The following SNX4 variants were observed in gnomAD, a reference collection of about 807,000 sequenced individuals.
SNX4 encodes sorting nexin-4.
A neutral mutation model predicts 70.8 loss-of-function variants in SNX4; 49 were observed. The observed-to-expected ratio is 0.69, with a 90% CI of 0.55 to 0.88. SNX4 has a LOEUF of 0.88. Ranked by LOEUF, SNX4 falls within the 40% of genes least tolerant of loss-of-function variation. The probability of loss-of-function intolerance (pLI) is 0.00; values close to 1 mark genes in which losing one functional copy is unlikely to be tolerated. For missense variants in SNX4, 528 were observed against 544.8 expected, an observed-to-expected ratio of 0.97 and a Z score of 0.31; for synonymous variants, 206 against 183.8, an observed-to-expected ratio of 1.12 and a Z score of -0.98.
intron 12 of SNX4, among the ~76,000 whole-genome samples, chr3:125,452,896 C>T (rs1249867930): frequency 6.6e-6 from 1 of 152,140 alleles, no homozygotes; most frequent in African/African-American, 2.4e-5. Context: ...GGATTACAGG[C>T]ATGAGCTACC....
At chr3:125,457,104 T>C (rs977503074) in intron 11 of SNX4, among the ~76,000 whole-genome samples, 162 bp downstream of exon 11, 1 of 152,204 alleles carries the variant, frequency 6.6e-6, no homozygotes, top group Non-Finnish European at 1.5e-5. Flanking sequence ...AAAAGAATTA[T>C]AAAGTTACTC....
chr3:125,518,414 A>G (rs1034802672), intron 1 of SNX4, among the ~76,000 whole-genome samples: 1 of 152,022 alleles, frequency 6.6e-6, no homozygotes, highest in Non-Finnish European at 1.5e-5. Flanking sequence ...GTGAGCCATG[A>G]TTGTGCCACT....
intron 5 of SNX4, among the ~76,000 whole-genome samples, chr3:125,496,920 T>C (rs190389301): frequency 1.7e-4 from 26 of 151,960 alleles, no homozygotes; most frequent in Non-Finnish European, 3.7e-4. Flanking sequence ...ACTGCTAAGG[T>C]TGGACTCTTT....
intron 8 of SNX4, among the ~76,000 whole-genome samples, chr3:125,471,646 CACA>C (rs1934177381): frequency 6.6e-6 from 1 of 152,142 alleles, no homozygotes; most frequent in Non-Finnish European, 1.5e-5. Flanking sequence ...ATTAACAGAA[CACA>C]ACATTTTAGG....
chr3:125,503,853 A>G (rs1279390937), intron 2 of SNX4, among the ~76,000 whole-genome samples: 1 of 152,184 alleles, frequency 6.6e-6, no homozygotes, highest in African/African-American at 2.4e-5. Context: ...AAATATAGCT[A>G]TCTACCAAGA....
At chr3:125,453,996 C>A (rs546971408) in intron 11 of SNX4, 41 bp from the exon 12 acceptor site, 3 of 1,558,944 alleles carry the variant, frequency 1.9e-6, no homozygotes, top group Admixed American at 1.7e-5. Flanking sequence ...AAACAAAATG[C>A]GGCATACACA....
intron 9 of SNX4, 90 bp downstream of exon 9, chr3:125,469,364 A>C: frequency 1.2e-6 from 1 of 863,570 alleles, no homozygotes; most frequent in Non-Finnish European, 1.9e-6. Context: ...AATGCCAGCA[A>C]ACTTGATAAA....
intron 1 of SNX4, among the ~76,000 whole-genome samples, chr3:125,516,060 G>A (rs1364590793): frequency 6.6e-6 from 1 of 152,222 alleles, no homozygotes; most frequent in Admixed American, 6.5e-5. Context: ...AGTGAAGGTA[G>A]TCAATGTGCA....
chr3:125,496,956 C>T (rs981866234), intron 5 of SNX4, among the ~76,000 whole-genome samples: 1 of 151,574 alleles, frequency 6.6e-6, no homozygotes, highest in Non-Finnish European at 1.5e-5. Flanking sequence ...GAGCAACTGT[C>T]GGGGGCAGGG....
At position 125,496,284 on chromosome 3, in the gene SNX4, A is replaced by T. The variant is rs568289859; in HGVS notation, c.597+1057T>A. Reference sequence around the variant, plus strand: ...ACTCTGGCCTGGGTGACAGAGCAAGACTCTGTCTCAAAATCATAAAAACTC... The same window carrying T: ...ACTCTGGCCTGGGTGACAGAGCAAGTCTCTGTCTCAAAATCATAAAAACTC... On this transcript the variant is annotated intron_variant, in intron 5 of 13. Transcript: ENST00000251775. 1.4e-3 allele frequency among the ~76,000 whole-genome samples: 218 copies of T among 152,148 alleles called. 1 individual carries two copies. Among genetic ancestry groups the T allele is most frequent in the Non-Finnish European group, 1.6e-3 (112 of 68,006 alleles).
At position 125,506,760 on chromosome 3, in the gene SNX4, CT is replaced by C. The variant is rs375791967; in HGVS notation, c.142-2017del. Among the ~76,000 whole-genome samples, 21 of 114,844 alleles carry C rather than the reference CT, an allele frequency of 1.8e-4. 1 individual carries two copies. The South Asian group carries it at 3.5e-3, about 19-fold the overall frequency. 75.3% of individuals were successfully genotyped at this position (114,844 alleles called of 152,430 possible). On this transcript the variant is annotated intron_variant, in intron 1 of 13. Transcript: ENST00000251775. ...AGCCACCATGCCTGGATGACAAAGA[CT>C]TTAAAGTAATCATCTTATAGATGCT...
At chr3:125,507,883 A>G (rs112365949) in intron 1 of SNX4, among the ~76,000 whole-genome samples, 2 of 152,312 alleles carry the variant, frequency 1.3e-5, no homozygotes, top group African/African-American at 4.8e-5. Context: ...ACTGAACTTC[A>G]GTCTGGGCAA....
chr3:125,511,342 C>T (rs992848936), intron 1 of SNX4, among the ~76,000 whole-genome samples: 10 of 151,932 alleles, frequency 6.6e-5, no homozygotes, highest in African/African-American at 2.4e-4. Context: ...ATACATATGC[C>T]GAAAGGCAAG....
At chr3:125,490,054 G>A (rs1196131105) in intron 5 of SNX4, among the ~76,000 whole-genome samples, 1 of 152,010 alleles carries the variant, frequency 6.6e-6, no homozygotes, top group Admixed American at 6.6e-5. Flanking sequence ...GCTTGAACCT[G>A]GGAGGCGGAG....
chr3:125,480,415 T>G (rs1934384040), intron 6 of SNX4, 96 bp from the exon 7 acceptor site: 1 of 584,236 alleles, frequency 1.7e-6, no homozygotes, highest in Non-Finnish European at 2.8e-6. Context: ...ATAACAAAAC[T>G]GATTCTATTT....
intron 2 of SNX4, 118 bp downstream of exon 2, chr3:125,504,505 G>A: frequency 1.0e-6 from 1 of 996,088 alleles, no homozygotes; most frequent in Non-Finnish European, 1.5e-6. Flanking sequence ...AAGAAACAAA[G>A]TCAATCCCGA....
chr3:125,515,498 CAAA>C (rs1216879132), intron 1 of SNX4, among the ~76,000 whole-genome samples: 1 of 148,612 alleles, frequency 6.7e-6, no homozygotes, highest in Admixed American at 6.7e-5. Flanking sequence ...CTTGTCTCTA[CAAA>C]AAAAATAGAA....
rs71148182 is a variant in SNX4 at position 125,506,817 on chromosome 3, T to TAAAAAAA, written c.142-2080_142-2074dup. 7.1e-4 allele frequency among the ~76,000 whole-genome samples: 19 copies of TAAAAAAA among 26,832 alleles called. 1 individual carries two copies. Among genetic ancestry groups the TAAAAAAA allele is most frequent in the South Asian group, 5.0e-3 (2 of 404 alleles). The allele number at this position is 26,832 out of a possible 152,430, so 17.6% of individuals were successfully genotyped here. A position where few individuals can be genotyped will look rare whatever the true frequency, so the allele number is the denominator to read the frequency against. On this transcript the variant is annotated intron_variant, in intron 1 of 13. Coordinates refer to ENST00000251775, the MANE Select transcript of SNX4 (RefSeq NM_003794.4). ...AACTTAAAGAAAGATGTGGAGAAAG[T>TAAAAAAA]AAAAAAAAAAAAAAAAAAAAAAAAA...
chr3:125,450,474 G>A (rs749751004), intron 13 of SNX4, among the ~76,000 whole-genome samples: 2 of 152,148 alleles, frequency 1.3e-5, no homozygotes, highest in Non-Finnish European at 2.9e-5. Context: ...GTGTGATTTT[G>A]CCCTATAAAT....
Sources: gnomAD v4.1 joint callset for allele counts (sites outside exome capture counted in the v4.1 genomes callset) on GRCh38, gnomAD v4.1.1 for gene constraint, MANE v1.5 for transcripts, NCBI Gene and HGNC (gene_info 2026-07-23, HGNC 2026-07-21) for gene names.